Variants in FAP observed in about 807,000 individuals in gnomAD.
FAP encodes fibroblast activation protein alpha.
In FAP, 110 loss-of-function variants were observed where a neutral mutation model predicts 126.5. The observed-to-expected ratio is 0.87, with a 90% CI of 0.74 to 1.02. The LOEUF is 1.02. Ranked by LOEUF, FAP falls within the 50% of genes least tolerant of loss-of-function variation. FAP has a pLI of 0.00. For missense variants in FAP, 919 were observed against 909.2 expected (o/e 1.01, Z -0.14); for synonymous variants, 334 against 297.3 (o/e 1.12, Z -1.27).
chr2:162,212,352 A>G (rs1688973053), intron 11 of FAP, among the ~76,000 whole-genome samples: 2 of 152,206 alleles, frequency 1.3e-5, no homozygotes, highest in South Asian at 4.1e-4. Flanking sequence ...AGTCACCCAA[A>G]GCTGACTAAC....
intron 20 of FAP, among the ~76,000 whole-genome samples, chr2:162,185,686 G>A (rs13027852): frequency 4.3e-4 from 65 of 152,046 alleles, no homozygotes; most frequent in Non-Finnish European, 9.1e-4. Flanking sequence ...ATGTACGTAC[G>A]ATTTTCTTTT....
chr2:162,188,872 C>A (rs1277272857), intron 19 of FAP, among the ~76,000 whole-genome samples: 1 of 151,964 alleles, frequency 6.6e-6, no homozygotes, highest in Non-Finnish European at 1.5e-5. Flanking sequence ...AATTGCCATA[C>A]AAAGGAAATT....
intron 22 of FAP, among the ~76,000 whole-genome samples, chr2:162,174,401 G>T (rs1351971256): frequency 2.0e-5 from 3 of 152,152 alleles, no homozygotes; most frequent in Admixed American, 6.6e-5. Context: ...TTGATGTAAT[G>T]ATAAAAATAG....
chr2:162,231,634 A>G (rs992044823), intron 2 of FAP, among the ~76,000 whole-genome samples: 1 of 152,236 alleles, frequency 6.6e-6, no homozygotes, highest in Non-Finnish European at 1.5e-5. Context: ...GCTGAAAATT[A>G]TTTCAATTAT....
At chr2:162,210,025 A>G in intron 11 of FAP, 29 bp from the exon 12 acceptor site, 2 of 1,599,686 alleles carry the variant, frequency 1.3e-6, no homozygotes, top group Non-Finnish European at 1.7e-6. Flanking sequence ...CATCGAACAT[A>G]GTATTAGGAG....
intron 16 of FAP, chr2:162,198,259 G>A (rs1447417711): frequency 1.0e-5 from 13 of 1,289,718 alleles, no homozygotes; most frequent in African/African-American, 4.6e-5. Context: ...ATTGACCTCC[G>A]ACGTGGGCAT....
At chr2:162,199,905 A>C (rs1688427713) in intron 15 of FAP, among the ~76,000 whole-genome samples, 1 of 152,258 alleles carries the variant, frequency 6.6e-6, no homozygotes, top group East Asian at 1.9e-4. Context: ...TTAGGGAGGC[A>C]GTTAACAGCA....
chr2:162,200,631 T>C lies in FAP; in HGVS notation c.1224-12A>G. The C allele has an allele frequency of 7.9e-7, 1 of 1,257,908 alleles. No homozygotes were observed. Among genetic ancestry groups the C allele is most frequent in the Non-Finnish European group, 1.1e-6 (1 of 886,410 alleles). The allele number at this position is 1,257,908 out of a possible 1,614,324, so 77.9% of individuals were successfully genotyped here. ...TGCTAGAATAAAACCTGAAAATATA[T>C]TCAGAAATTATTAAGTATTGATAAA... On this transcript the variant is annotated splice_polypyrimidine_tract_variant and intron_variant, in intron 14 of 25. Coordinates refer to ENST00000188790, the MANE Select transcript of FAP (RefSeq NM_004460.5).
chr2:162,208,158 A>C (rs1688784126), intron 12 of FAP, among the ~76,000 whole-genome samples: 1 of 151,424 alleles, frequency 6.6e-6, no homozygotes, highest in East Asian at 2.0e-4. Flanking sequence ...AAGGAGGCTG[A>C]GGCAGGAGAA....
chr2:162,175,524 G>A (rs1687455892), intron 21 of FAP: 1 of 152,238 alleles, frequency 6.6e-6, no homozygotes, highest in African/African-American at 2.4e-5. Context: ...GTATGTTGTA[G>A]TGGTACATGT....
At chr2:162,208,739 A>G (rs929315317) in intron 12 of FAP, among the ~76,000 whole-genome samples, 9 of 152,090 alleles carry the variant, frequency 5.9e-5, no homozygotes, top group Non-Finnish European at 1.2e-4. Flanking sequence ...TAAAATTTAG[A>G]GAATACTTTT....
chr2:162,231,045 T>A (rs937906194), intron 2 of FAP, among the ~76,000 whole-genome samples: 2 of 152,196 alleles, frequency 1.3e-5, no homozygotes, highest in Non-Finnish European at 2.9e-5. Context: ...CCCTGTTCAA[T>A]GACCTTGCTC....
chr2:162,224,368 A>G, intron 5 of FAP, 98 bp downstream of exon 5: 1 of 687,812 alleles, frequency 1.5e-6, no homozygotes, highest in Non-Finnish European at 2.5e-6. Context: ...GAATATTTAG[A>G]GATAAAGACA....
intron 12 of FAP, 21 bp from the exon 13 acceptor site, chr2:162,203,166 T>C: frequency 1.3e-6 from 2 of 1,541,286 alleles, no homozygotes; most frequent in Non-Finnish European, 1.8e-6. Context: ...TTAGCAGAGG[T>C]TATGTTCAAA....
At chr2:162,191,882 A>C (rs2106230942) in intron 17 of FAP, among the ~76,000 whole-genome samples, 1 of 152,236 alleles carries the variant, frequency 6.6e-6, no homozygotes, top group South Asian at 2.1e-4. Context: ...CTTTGCAGGG[A>C]AAATGAAGCC....
At chr2:162,179,766 C>T (rs1462092600) in intron 21 of FAP, among the ~76,000 whole-genome samples, 1 of 71,524 alleles carries the variant, frequency 1.4e-5, no homozygotes, top group Non-Finnish European at 3.0e-5. Context: ...ACAGATCTAT[C>T]TATCTATCTA....
intron 6 of FAP, chr2:162,221,857 T>C (rs1689417511): frequency 1.6e-5 from 6 of 385,490 alleles, no homozygotes; most frequent in South Asian, 1.2e-4. Context: ...TTCAAAGGCA[T>C]ATAAAAGACT....
In FAP at chr2:162,203,146, C is replaced by G; in HGVS notation, c.1048-1G>C. The G allele has an allele frequency of 6.2e-7, 1 of 1,600,930 alleles. No homozygotes were observed. The highest frequency in any genetic ancestry group is 8.5e-7 in the Non-Finnish European group (1 of 1,171,878). ...TGAAAACTGGTGTTGAAACAAAGAACTGAAAAAAATTAGCAGAGGTTATGT... is the reference window on the plus strand; with the variant it reads ...TGAAAACTGGTGTTGAAACAAAGAAGTGAAAAAAATTAGCAGAGGTTATGT... On this transcript the variant is annotated splice_acceptor_variant, in intron 12 of 25. Coordinates refer to ENST00000188790, the MANE Select transcript of FAP (RefSeq NM_004460.5). LOFTEE classifies it high-confidence loss of function.
rs373214740 is a variant in FAP, at chr2:162,170,996, A to C, written c.2266T>G (p.Phe756Val). ...CATCGTTTTTAGTCTGACAAAGAGA[A>C]ACACTGCTTTAGGAAGTGGGTCATG... Reference protein sequence around the residue: ...THMTHFLKQCFSLSD With the variant: ...THMTHFLKQCVSLSD The change falls in exon 26 of 26, where the codon TTC (phenylalanine) becomes GTC (valine). Residue 756 changes from phenylalanine to valine, a missense_variant. Physicochemically the swap from Phe to Val is conservative, Grantham distance 50. Transcript: ENST00000188790. The C allele has an allele frequency of 5.4e-5, 87 of 1,613,042 alleles. No homozygotes were observed. The highest frequency in any genetic ancestry group is 7.3e-5 in the Non-Finnish European group (86 of 1,179,308).
Sources: allele counts gnomAD v4.1 joint callset (sites outside exome capture counted in the v4.1 genomes callset), GRCh38; gene constraint gnomAD v4.1.1; transcripts MANE v1.5; gene names NCBI Gene and HGNC (gene_info 2026-07-23, HGNC 2026-07-21).